The following FMN2 variants were observed in gnomAD, a reference collection of about 807,000 sequenced individuals.
FMN2 encodes the protein formin 2.
Under a neutral mutation model 142.3 loss-of-function variants are expected in FMN2, and 51 were observed. That is an observed-to-expected ratio of 0.36 (90% CI 0.29 to 0.45). The LOEUF (loss-of-function observed/expected upper bound fraction) is 0.45, where lower values mean the gene tolerates loss of function less well. FMN2 is among the 20% of genes least tolerant of loss of function. The pLI, the probability that FMN2 is intolerant of heterozygous loss-of-function variation, is 1.00. For missense variants in FMN2, 1,936 were observed against 2,122.8 expected (o/e 0.91, Z 1.73); for synonymous variants, 882 against 869.8 (o/e 1.01, Z -0.25).
intron 16 of FMN2, among the ~76,000 whole-genome samples, chr1:240,452,084 A>G (rs1461055576): frequency 6.6e-6 from 1 of 152,004 alleles, no homozygotes; most frequent in Non-Finnish European, 1.5e-5. Flanking sequence ...CCAGCTACTC[A>G]GGAGGCTGAG....
rs114456209 is a variant in FMN2 at position 240,463,148 on chromosome 1, G to A, written c.5061-9224G>A. The stretch of plus-strand genomic sequence containing the variant: ...TGAGTAAGTGGCTCAGATGATTCCC[G>A]TGTTTGTAAAGGATGGATAGATTTC... On this transcript the variant is annotated intron_variant, in intron 16 of 17. Transcript: ENST00000319653. Among the ~76,000 whole-genome samples the A allele has an allele frequency of 4.5e-3, 684 of 152,270 alleles. 8 individuals carry two copies. The highest frequency in any genetic ancestry group is 0.016 in the African/African-American group (656 of 41,568).
chr1:240,384,904 C>T (rs1673360882), intron 14 of FMN2, among the ~76,000 whole-genome samples: 1 of 152,112 alleles, frequency 6.6e-6, no homozygotes, highest in Admixed American at 6.6e-5. Flanking sequence ...TCCATATTAA[C>T]ATTCCCATTT....
intron 2 of FMN2, among the ~76,000 whole-genome samples, chr1:240,165,163 G>T (rs1664428662): frequency 6.6e-6 from 1 of 152,084 alleles, no homozygotes; most frequent in African/African-American, 2.4e-5. Context: ...CTAGTTATCT[G>T]TTGGCATTTT....
At chr1:240,098,044 C>T (rs907521180) in intron 1 of FMN2, among the ~76,000 whole-genome samples, 1 of 147,674 alleles carries the variant, frequency 6.8e-6, no homozygotes, top group Non-Finnish European at 1.5e-5. Context: ...TGCATAGGCT[C>T]TAGAACTTGG....
chr1:240,206,792 C>T lies in FMN2; in HGVS notation c.1987-7C>T. 1 of 1,601,286 alleles carries T rather than the reference C, an allele frequency of 6.2e-7. No individual in the cohort carries two copies. The highest frequency in any genetic ancestry group is 1.1e-5 in the South Asian group (1 of 90,498). ...AACTAACTGTGTCTGTCCTTGTCGCCCTTCAGGAAGTTGTTGACATGAAGT... is the reference window on the plus strand; with the variant it reads ...AACTAACTGTGTCTGTCCTTGTCGCTCTTCAGGAAGTTGTTGACATGAAGT... On this transcript the variant is annotated splice_polypyrimidine_tract_variant and splice_region_variant and intron_variant, in intron 4 of 17. Transcript: ENST00000319653.
Position 240,216,948 on chromosome 1 carries a change from C to CA in FMN2, c.4065+5726dup, listed in dbSNP as rs35536429. Among the ~76,000 whole-genome samples the CA allele has an allele frequency of 4.0e-3, 559 of 140,520 alleles. 3 individuals are homozygous for CA. Among genetic ancestry groups the CA allele is most frequent in the African/African-American group, 7.5e-3 (280 of 37,354 alleles). The allele number at this position is 140,520 out of a possible 152,430, so 92.2% of individuals were successfully genotyped here. Reference sequence around the variant, plus strand: ...TGGGCAACAGAGCGAGACTCCGTCTCAAAAAAAAAAAAAGTTATAAAAATG... The same window carrying CA: ...TGGGCAACAGAGCGAGACTCCGTCTCAAAAAAAAAAAAAAGTTATAAAAATG... On this transcript the variant is annotated intron_variant, in intron 6 of 17. Coordinates refer to ENST00000319653, the MANE Select transcript of FMN2 (RefSeq NM_020066.5).
chr1:240,325,149 G>A (rs1052257038), intron 8 of FMN2, among the ~76,000 whole-genome samples: 5 of 151,966 alleles, frequency 3.3e-5, no homozygotes, highest in Non-Finnish European at 7.4e-5. Flanking sequence ...CTTGAGCCCA[G>A]GAGTTTGAGA....
At chr1:240,302,861 A>G (rs1299698976) in intron 8 of FMN2, among the ~76,000 whole-genome samples, 3 of 152,114 alleles carry the variant, frequency 2.0e-5, no homozygotes, top group Non-Finnish European at 4.4e-5. Context: ...TCAAGCTACT[A>G]AAGTTTAATT....
chr1:240,158,616 A>T (rs2103287115), intron 2 of FMN2, among the ~76,000 whole-genome samples: 1 of 152,228 alleles, frequency 6.6e-6, no homozygotes, highest in African/African-American at 2.4e-5. Flanking sequence ...CCACGCCTGA[A>T]TTTGATCCAT....
intron 14 of FMN2, among the ~76,000 whole-genome samples, chr1:240,383,026 T>C (rs1300556049): frequency 6.6e-6 from 1 of 152,124 alleles, no homozygotes; most frequent in East Asian, 1.9e-4. Context: ...GACACTGTAT[T>C]CAATAAATGG....
In FMN2 at chr1:240,438,190, C is replaced by A; in HGVS notation, c.5040C>A (p.Asn1680Lys). 1 of 1,613,082 alleles carries A rather than the reference C, an allele frequency of 6.2e-7. No individual in the cohort carries two copies. The highest frequency in any genetic ancestry group is 8.5e-7 in the Non-Finnish European group (1 of 1,179,744). Residue 1680 changes from asparagine (N) to lysine (K), a missense_variant, in exon 16 of 18, where the codon AAC (asparagine) becomes AAA (lysine). Asn to Lys is a moderately conservative substitution (Grantham distance 94). Around this residue, in one of 8 missense-constraint regions of FMN2, gnomAD observed 322 missense variants for 401.6 expected, o/e 0.80. Coordinates refer to ENST00000319653, the MANE Select transcript of FMN2 (RefSeq NM_020066.5). The part of the protein sequence containing the change: ...SDFKDFWKKE[N>K]KLLLQERVKE... ...TTAAAGACTTCTGGAAGAAAGAGAA[C>A]AAACTTCTTCTACAAGAGAGGTAGG...
At chr1:240,190,443 GC>G (rs762986507) in intron 4 of FMN2, among the ~76,000 whole-genome samples, 114 of 152,268 alleles carry the variant, frequency 7.5e-4, no homozygotes, top group Admixed American at 1.3e-3. Flanking sequence ...AAAGTAACTG[GC>G]CGTAAAGGGG....
intron 15 of FMN2, among the ~76,000 whole-genome samples, chr1:240,437,795 G>T (rs894660804): frequency 1.3e-5 from 2 of 152,150 alleles, no homozygotes; most frequent in Non-Finnish European, 2.9e-5. Context: ...TCTGGAGTAT[G>T]TCCAACACAG....
chr1:240,373,258 C>T (rs932526874), intron 14 of FMN2, among the ~76,000 whole-genome samples: 10 of 152,160 alleles, frequency 6.6e-5, no homozygotes, highest in African/African-American at 2.4e-4. Flanking sequence ...GAGGGTCTTG[C>T]TTCCATGTTG....
At chr1:240,202,395 A>G (rs190963619) in intron 4 of FMN2, among the ~76,000 whole-genome samples, 174 of 152,288 alleles carry the variant, frequency 1.1e-3, no homozygotes, top group Non-Finnish European at 2.0e-3. Flanking sequence ...TGCCATGTGG[A>G]ACTAGCTGGC....
chr1:240,277,947 CAA>C (rs1438475955), intron 7 of FMN2, among the ~76,000 whole-genome samples: 1 of 152,028 alleles, frequency 6.6e-6, no homozygotes, highest in African/African-American at 2.4e-5. Flanking sequence ...AAATGGAACT[CAA>C]ATGTTTATTT....
At chr1:240,470,759 T>C (rs1404163898) in intron 16 of FMN2, among the ~76,000 whole-genome samples, 1 of 152,096 alleles carries the variant, frequency 6.6e-6, no homozygotes, top group Non-Finnish European at 1.5e-5. Flanking sequence ...TCATTTTTAA[T>C]TCCCAAGGAA....
At chr1:240,217,093 T>TA (rs1378273410) in intron 6 of FMN2, among the ~76,000 whole-genome samples, 1 of 152,250 alleles carries the variant, frequency 6.6e-6, no homozygotes, top group African/African-American at 2.4e-5. Flanking sequence ...GGCTGCTTCT[T>TA]ACTATGTTGA....
At chr1:240,122,861 TGGGCAACATAGCAAGACC>T (rs1386528323) in intron 1 of FMN2, among the ~76,000 whole-genome samples, 3 of 152,186 alleles carry the variant, frequency 2.0e-5, no homozygotes. Context: ...AAGGCCAGCC[TGGGCAACATAGCAAGACC>T]CTATCTGAAT....
Sources: gnomAD v4.1 joint callset for allele counts (sites outside exome capture counted in the v4.1 genomes callset) on GRCh38, gnomAD v4.1.1 for gene constraint, gnomAD v4.1.1 regional missense constraint, MANE v1.5 for transcripts, NCBI Gene and HGNC (gene_info 2026-07-23, HGNC 2026-07-21) for gene names.